RBFOX1: variants seen among roughly 807,000 people sequenced by gnomAD.
RBFOX1 encodes RNA binding fox-1 homolog 1.
In RBFOX1, 8 loss-of-function variants were observed where a neutral mutation model predicts 57.7. The ratio of observed to expected loss-of-function variants is 0.14; its 90% confidence interval spans 0.08 to 0.25. The LOEUF is 0.25. RBFOX1 is among the 10% of genes least tolerant of loss of function. The pLI is 1.00. For missense variants in RBFOX1, 611 were observed against 548.5 expected (o/e 1.11, Z -1.14); for synonymous variants, 326 against 222.4 (o/e 1.47, Z -4.15).
chr16:6,654,730 C>G, intron 3 of RBFOX1, 80 bp downstream of exon 3: 1 of 1,076,956 alleles, frequency 9.3e-7, no homozygotes, highest in South Asian at 1.7e-5. Context: ...TAAGGCATGC[C>G]CCTCTCGATG....
chr16:6,477,291 C>A (rs1597805280), intron 2 of RBFOX1, among the ~76,000 whole-genome samples: 2 of 152,178 alleles, frequency 1.3e-5, no homozygotes, highest in Admixed American at 1.3e-4. Flanking sequence ...GTGTTTATGG[C>A]AGCTATAACC....
chr16:5,774,106 A>G (rs1033994204), intron 3 of RBFOX1, among the ~76,000 whole-genome samples: 1 of 152,190 alleles, frequency 6.6e-6, no homozygotes, highest in South Asian at 2.1e-4. Context: ...ATGGTTTACA[A>G]AGCCCTTTCA....
chr16:6,904,356 C>G (rs935216297), intron 3 of RBFOX1, among the ~76,000 whole-genome samples: 3 of 151,850 alleles, frequency 2.0e-5, no homozygotes, highest in Non-Finnish European at 4.4e-5. Flanking sequence ...ATCCCAGCAC[C>G]TTGGAAGGCC....
At chr16:7,549,835 A>T (rs1246968629) in intron 5 of RBFOX1, among the ~76,000 whole-genome samples, 1 of 152,144 alleles carries the variant, frequency 6.6e-6, no homozygotes, top group Non-Finnish European at 1.5e-5. Flanking sequence ...CTTCTTCGGA[A>T]ACACCCTCAC....
chr16:7,403,196 C>A (rs1204898751), intron 4 of RBFOX1, among the ~76,000 whole-genome samples: 1 of 152,092 alleles, frequency 6.6e-6, no homozygotes, highest in South Asian at 2.1e-4. Flanking sequence ...ACTCTGAATC[C>A]AGTGAAGGTA....
At chr16:7,526,097 G>A (rs374917602) in intron 5 of RBFOX1, among the ~76,000 whole-genome samples, 32 of 152,190 alleles carry the variant, frequency 2.1e-4, no homozygotes, top group Non-Finnish European at 5.9e-5. Flanking sequence ...TCTCAGAGAA[G>A]CGTGAACCCT....
chr16:7,424,509 C>T (rs966090950), intron 4 of RBFOX1, among the ~76,000 whole-genome samples: 4 of 152,158 alleles, frequency 2.6e-5, no homozygotes, highest in Non-Finnish European at 4.4e-5. Flanking sequence ...ATCCACCCAC[C>T]TCGGCTTCCA....
At chr16:7,410,830 C>CGTGTGTGTGTGT (rs56755477) in intron 4 of RBFOX1, among the ~76,000 whole-genome samples, 2 of 150,344 alleles carry the variant, frequency 1.3e-5, no homozygotes, top group African/African-American at 4.9e-5. Context: ...TGAGTTTTCA[C>CGTGTGTGTGTGT]GTGTGTGTGT....
intron 2 of RBFOX1, among the ~76,000 whole-genome samples, chr16:6,408,943 C>T (rs764052849): frequency 2.0e-5 from 3 of 151,988 alleles, no homozygotes; most frequent in Non-Finnish European, 4.4e-5. Flanking sequence ...CTTTTGGTGT[C>T]GTTTTACCAC....
At chr16:6,473,190 T>C (rs760726536) in intron 2 of RBFOX1, among the ~76,000 whole-genome samples, 1 of 152,310 alleles carries the variant, frequency 6.6e-6, no homozygotes, top group Non-Finnish European at 1.5e-5. Flanking sequence ...CTTTGTTTTC[T>C]AGCCCTGCCT....
chr16:6,225,378 A>G (rs17139586), intron 1 of RBFOX1, among the ~76,000 whole-genome samples: 29,053 of 152,082 alleles, frequency 0.19, 3,482 homozygotes, highest in East Asian at 0.35. Flanking sequence ...TTGGGAACAG[A>G]GAGAACTTGG....
chr16:7,032,146 G>A (rs913008420), intron 3 of RBFOX1, among the ~76,000 whole-genome samples: 11 of 151,924 alleles, frequency 7.2e-5, no homozygotes, highest in East Asian at 1.9e-4. Context: ...TTATCTTGGC[G>A]GGGTGCGGTG....
chr16:6,042,202 G>C (rs1050966082), intron 1 of RBFOX1, among the ~76,000 whole-genome samples: 6 of 151,592 alleles, frequency 4.0e-5, no homozygotes, highest in Non-Finnish European at 8.8e-5. Context: ...CCAAGTTCAA[G>C]TGGTTCTCCT....
intron 3 of RBFOX1, among the ~76,000 whole-genome samples, chr16:5,744,471 C>T (rs868133347): frequency 6.6e-6 from 1 of 152,150 alleles, no homozygotes; most frequent in Non-Finnish European, 1.5e-5. Context: ...CGATGCTGGA[C>T]CTGGTTCATA....
At chr16:6,747,622 T>C (rs948671729) in intron 3 of RBFOX1, among the ~76,000 whole-genome samples, 1 of 152,156 alleles carries the variant, frequency 6.6e-6, no homozygotes, top group African/African-American at 2.4e-5. Flanking sequence ...ATCTCAGATA[T>C]TGTCTCTTGT....
At chr16:6,111,798 T>G (rs768913314) in intron 1 of RBFOX1, among the ~76,000 whole-genome samples, 1 of 152,188 alleles carries the variant, frequency 6.6e-6, no homozygotes, top group Non-Finnish European at 1.5e-5. Flanking sequence ...AGACATACAT[T>G]AGTGGTATGA....
chr16:7,625,660 A>T (rs559131714), intron 10 of RBFOX1, among the ~76,000 whole-genome samples: 1 of 151,778 alleles, frequency 6.6e-6, no homozygotes, highest in African/African-American at 2.4e-5. Context: ...TTCCGTTCAC[A>T]TTTTTTGTTT....
At chr16:5,610,746 C>G (rs1235768099) in intron 3 of RBFOX1, 1 of 152,058 alleles carries the variant, frequency 6.6e-6, no homozygotes, top group African/African-American at 2.4e-5. Context: ...CACATGTCTT[C>G]AGTCCCAGCC....
intron 3 of RBFOX1, among the ~76,000 whole-genome samples, chr16:5,672,603 T>C (rs1596684909): frequency 1.3e-5 from 1 of 76,610 alleles, no homozygotes; most frequent in Admixed American, 1.4e-4. Flanking sequence ...CACAAAGAGT[T>C]AAGTCGTATT....
Sources: gnomAD v4.1 joint callset for allele counts (sites outside exome capture counted in the v4.1 genomes callset) on GRCh38, gnomAD v4.1.1 for gene constraint, MANE v1.5 for transcripts, NCBI Gene and HGNC (gene_info 2026-07-23, HGNC 2026-07-21) for gene names.